Variants in KALRN observed in about 807,000 individuals in gnomAD.
KALRN encodes kalirin.
A neutral mutation model predicts 353.7 loss-of-function variants in KALRN; 70 were observed. That is an observed-to-expected ratio of 0.20 (90% confidence interval 0.16 to 0.24). KALRN has a LOEUF of 0.24. Among genes scored for constraint, KALRN ranks in the 10% least tolerant of loss-of-function variants. KALRN has a pLI of 1.00. For missense variants in KALRN, 2,791 were observed against 3,756.7 expected (o/e 0.74, Z 6.72); for synonymous variants, 1,391 against 1,434.8 (o/e 0.97, Z 0.69).
intron 1 of KALRN, among the ~76,000 whole-genome samples, chr3:124,147,482 A>G (rs2067511812): frequency 6.6e-6 from 1 of 152,166 alleles, no homozygotes; most frequent in Non-Finnish European, 1.5e-5. Flanking sequence ...TAGGTTTTGA[A>G]TTGTCCTGTC....
chr3:124,271,047 G>A (rs2074115418), intron 5 of KALRN, among the ~76,000 whole-genome samples: 1 of 152,070 alleles, frequency 6.6e-6, no homozygotes, highest in South Asian at 2.1e-4. Flanking sequence ...TAGCCAGGAT[G>A]GTCTCGATCT....
chr3:124,164,928 G>A (rs1204019109), intron 1 of KALRN, among the ~76,000 whole-genome samples: 6 of 152,114 alleles, frequency 3.9e-5, no homozygotes, highest in Non-Finnish European at 7.4e-5. Flanking sequence ...TCTTTGTCCC[G>A]ATCATAGTAC....
chr3:124,477,703 C>T (rs1489062501), intron 27 of KALRN, among the ~76,000 whole-genome samples: 1 of 152,180 alleles, frequency 6.6e-6, no homozygotes, highest in Non-Finnish European at 1.5e-5. Flanking sequence ...ATCCTTGGAC[C>T]TCAGTCCACA....
chr3:124,398,952 G>T, intron 13 of KALRN, 81 bp downstream of exon 13: 1 of 1,410,890 alleles, frequency 7.1e-7, no homozygotes. Context: ...GGGCAGGGCA[G>T]TAGCCTAAGG....
At chr3:124,090,101 G>A (rs2061028885) in intron 1 of KALRN, among the ~76,000 whole-genome samples, 1 of 152,134 alleles carries the variant, frequency 6.6e-6, no homozygotes, top group Admixed American at 6.5e-5. Context: ...ACTGGCTCTT[G>A]TGTGGGCAGT....
rs747087120 is a variant in KALRN at position 124,227,663 on chromosome 3, G to GTTTTTTTTTTTTT, written c.74-297_74-285dup. On this transcript the variant is annotated intron_variant, in intron 1 of 59. Coordinates refer to ENST00000682506, the MANE Select transcript of KALRN (RefSeq NM_001388419.1). ...CAAGTTGCTCAATAGCAACAGGGCT[G>GTTTTTTTTTTTTT]TTTTTTTTTTTTTTTTTTTTTTTTT... Among the ~76,000 whole-genome samples, 6 of 69,258 alleles carry GTTTTTTTTTTTTT rather than the reference G, an allele frequency of 8.7e-5. 1 individual carries two copies. Among genetic ancestry groups the GTTTTTTTTTTTTT allele is most frequent in the Non-Finnish European group, 1.2e-4 (4 of 34,494 alleles). 45.4% of individuals were successfully genotyped at this position (69,258 alleles called of 152,430 possible).
intron 25 of KALRN, among the ~76,000 whole-genome samples, chr3:124,470,063 G>A (rs991787248): frequency 1.3e-5 from 2 of 152,178 alleles, no homozygotes; most frequent in African/African-American, 2.4e-5. Flanking sequence ...CCAAAAGGAA[G>A]CATTTTCCTC....
At chr3:124,254,325 A>G (rs2071592712) in intron 3 of KALRN, among the ~76,000 whole-genome samples, 1 of 150,162 alleles carries the variant, frequency 6.7e-6, no homozygotes, top group Non-Finnish European at 1.5e-5. Flanking sequence ...GTCACTTCCC[A>G]CCTCTGAAAC....
intron 34 of KALRN, chr3:124,584,907 G>A: frequency 1.3e-6 from 2 of 1,598,792 alleles, no homozygotes; most frequent in Non-Finnish European, 1.7e-6. Flanking sequence ...CCGTGTAGAG[G>A]TGAGTGGCTG....
At chr3:124,445,008 C>T (rs915976740) in intron 19 of KALRN, among the ~76,000 whole-genome samples, 3 of 152,128 alleles carry the variant, frequency 2.0e-5, no homozygotes, top group African/African-American at 7.2e-5. Flanking sequence ...CTTCGTAAAG[C>T]ATAGAAAGTT....
At position 124,326,006 on chromosome 3, in the gene KALRN, C is replaced by T. The variant is rs1393495127; in HGVS notation, c.1119C>T (p.Ile373=). ...SMNAYVNINR[I]MSVASRLSEA... ...ATGCCTATGTCAACATCAACCGCAT[C>T]ATGTCCGTGGCTTCCCGCCTCTCTG... The change falls in exon 7 of 60, where the codon ATC becomes ATT. Residue 373 remains isoleucine (I), a synonymous_variant. Transcript: ENST00000682506. 1 of 1,613,168 alleles carries T rather than the reference C, an allele frequency of 6.2e-7. No homozygotes were observed. The highest frequency in any genetic ancestry group is 8.5e-7 in the Non-Finnish European group (1 of 1,179,598).
intron 3 of KALRN, among the ~76,000 whole-genome samples, chr3:124,263,611 G>T (rs1367888579): frequency 6.6e-6 from 1 of 151,708 alleles, no homozygotes; most frequent in African/African-American, 2.4e-5. Context: ...AAAGTAAAAA[G>T]AAATAATAAT....
At chr3:124,577,885 AC>A (rs1561326666) in intron 34 of KALRN, among the ~76,000 whole-genome samples, 146 of 152,184 alleles carry the variant, frequency 9.6e-4, no homozygotes, top group African/African-American at 3.2e-3. Flanking sequence ...AAACAAACAA[AC>A]AAACAAAACC....
intron 41 of KALRN, among the ~76,000 whole-genome samples, chr3:124,658,191 C>A (rs1350931151): frequency 2.0e-5 from 3 of 152,144 alleles, no homozygotes; most frequent in African/African-American, 7.2e-5. Flanking sequence ...TTCTCTTCTG[C>A]TCTTCCTTGA....
At chr3:124,453,991 A>G (rs1397414652) in intron 21 of KALRN, among the ~76,000 whole-genome samples, 1 of 152,228 alleles carries the variant, frequency 6.6e-6, no homozygotes, top group African/African-American at 2.4e-5. Context: ...GCCCTAAACT[A>G]TAGCTCTTTA....
At chr3:124,260,738 A>C (rs771137509) in intron 3 of KALRN, among the ~76,000 whole-genome samples, 25 of 152,284 alleles carry the variant, frequency 1.6e-4, no homozygotes, top group Non-Finnish European at 3.2e-4. Context: ...GACAGAGCCC[A>C]GAATGGGACT....
At chr3:124,206,574 C>A (rs748851182) in intron 1 of KALRN, among the ~76,000 whole-genome samples, 2 of 152,182 alleles carry the variant, frequency 1.3e-5, no homozygotes, top group Non-Finnish European at 2.9e-5. Flanking sequence ...TCACCAGAGA[C>A]GACTTCTTGT....
At chr3:124,107,953 A>G (rs2062465427) in intron 1 of KALRN, among the ~76,000 whole-genome samples, 1 of 152,202 alleles carries the variant, frequency 6.6e-6, no homozygotes, top group Non-Finnish European at 1.5e-5. Flanking sequence ...CACAGATCAG[A>G]GTTAACAAGC....
chr3:124,490,430 T>C (rs528234242), intron 29 of KALRN, among the ~76,000 whole-genome samples: 2 of 152,202 alleles, frequency 1.3e-5, no homozygotes, highest in Non-Finnish European at 2.9e-5. Context: ...TGAGGTTGCA[T>C]AGGACCTTTG....
Sources: allele counts gnomAD v4.1 joint callset (sites outside exome capture counted in the v4.1 genomes callset), GRCh38; gene constraint gnomAD v4.1.1; transcripts MANE v1.5; gene names NCBI Gene and HGNC (gene_info 2026-07-23, HGNC 2026-07-21).